The following KDM2A variants were observed in gnomAD, a reference collection of about 807,000 sequenced individuals.
The protein encoded by KDM2A is lysine-specific demethylase 2A.
In KDM2A, 3 loss-of-function variants were observed where a neutral mutation model predicts 137.3. That is an observed-to-expected ratio of 0.02 (90% confidence interval 0.01 to 0.06). KDM2A has a LOEUF of 0.06. KDM2A is among the 10% of genes least tolerant of loss of function. KDM2A has a pLI of 1.00. For synonymous variants in KDM2A, 512 were observed against 541.5 expected (o/e 0.95, Z 0.76); for missense variants, 738 against 1,510.6 (o/e 0.49, Z 8.48).
At chr11:67,248,425 G>A (rs1166070664) in intron 16 of KDM2A, 55 bp downstream of exon 16, 4 of 1,222,068 alleles carry the variant, frequency 3.3e-6, no homozygotes, top group Non-Finnish European at 4.7e-6. Context: ...TCAAATGTGG[G>A]GGATTGCTAC....
intron 2 of KDM2A, among the ~76,000 whole-genome samples, chr11:67,151,205 C>T (rs1856378638): frequency 6.6e-6 from 1 of 151,988 alleles, no homozygotes; most frequent in African/African-American, 2.4e-5. Flanking sequence ...CTGATTTTTT[C>T]AGCTTTGGTT....
intron 2 of KDM2A, among the ~76,000 whole-genome samples, chr11:67,127,543 C>T (rs369786810): frequency 1.1e-4 from 17 of 152,142 alleles, no homozygotes; most frequent in African/African-American, 4.1e-4. Flanking sequence ...TCCTGTTAAC[C>T]TGTCTTACAT....
chr11:67,189,176 A>G (rs1857283495), intron 5 of KDM2A, among the ~76,000 whole-genome samples: 2 of 152,368 alleles, frequency 1.3e-5, no homozygotes, highest in East Asian at 3.9e-4. Flanking sequence ...CAGATTAAAT[A>G]TCAGTGGATT....
chr11:67,182,014 C>T, intron 5 of KDM2A, 122 bp downstream of exon 5: 1 of 799,808 alleles, frequency 1.3e-6, no homozygotes, highest in Non-Finnish European at 2.0e-6. Flanking sequence ...TTAGAAACTA[C>T]ATTTTCATTA....
At chr11:67,217,300 G>A (rs146578499) in intron 8 of KDM2A, among the ~76,000 whole-genome samples, 2 of 143,588 alleles carry the variant, frequency 1.4e-5, no homozygotes, top group African/African-American at 5.2e-5. Flanking sequence ...AAATCCAAAA[G>A]TCATTTTGTT....
At chr11:67,247,061 ATATATATATATTTT>A (rs1859254132) in intron 15 of KDM2A, among the ~76,000 whole-genome samples, 1 of 24,484 alleles carries the variant, frequency 4.1e-5, no homozygotes, top group East Asian at 7.5e-4. Context: ...ATATATATAT[ATATATATATATTTT>A]TTTTTTTTTT....
chr11:67,177,171 C>G (rs1312848555), intron 2 of KDM2A, among the ~76,000 whole-genome samples: 1 of 151,894 alleles, frequency 6.6e-6, no homozygotes, highest in African/African-American at 2.4e-5. Flanking sequence ...GAGGCTGAGG[C>G]GAGAGAATCA....
rs879782965 is a variant in KDM2A, at chr11:67,221,941, T to TA, written c.957+2550dup. On this transcript the variant is annotated intron_variant, in intron 10 of 20. Coordinates refer to ENST00000529006, the MANE Select transcript of KDM2A (RefSeq NM_012308.3). Reference sequence around the variant, plus strand: ...AAGAGTGAGACACAGTCTGTTAATTTAAAAAAAAAAAAGATGTCTATTCTA... The same window carrying TA: ...AAGAGTGAGACACAGTCTGTTAATTTAAAAAAAAAAAAAGATGTCTATTCTA... 1.5e-3 allele frequency among the ~76,000 whole-genome samples: 208 copies of TA among 140,326 alleles called. 1 individual carries two copies. The highest frequency in any genetic ancestry group is 0.011 in the South Asian group (48 of 4,478). 92.1% of individuals were successfully genotyped at this position (140,326 alleles called of 152,430 possible).
intron 4 of KDM2A, 139 bp from the exon 5 acceptor site, chr11:67,181,707 C>A (rs1419630119): frequency 1.5e-6 from 1 of 672,014 alleles, no homozygotes; most frequent in Non-Finnish European, 2.6e-6. Flanking sequence ...TATATAATCA[C>A]CTATATTTTT....
At position 67,257,301 on chromosome 11, in the gene KDM2A, A is replaced by T. The variant is rs1351781537; in HGVS notation, c.*2246A>T. 1 of 152,556 alleles carries T rather than the reference A, an allele frequency of 6.6e-6. No individual in the cohort carries two copies. 9.5% of individuals were successfully genotyped at this position (152,556 alleles called of 1,614,324 possible). ...ACCGTGCACGTAAATTGGTCAGCAGAAAAGGGAGCCCAGAAAAGGCAGCAG... is the reference window on the plus strand; with the variant it reads ...ACCGTGCACGTAAATTGGTCAGCAGTAAAGGGAGCCCAGAAAAGGCAGCAG... On this transcript the variant is annotated 3_prime_UTR_variant, in exon 21 of 21. Coordinates refer to ENST00000529006, the MANE Select transcript of KDM2A (RefSeq NM_012308.3).
In KDM2A at chr11:67,250,847, G is replaced by C; in HGVS notation, c.2768+49G>C. ...GGAATTAGGGGTATGGGAGTAGGTGGCAGGTTTTCCATATGAGAACAGCAT... is the reference window on the plus strand; with the variant it reads ...GGAATTAGGGGTATGGGAGTAGGTGCCAGGTTTTCCATATGAGAACAGCAT... On this transcript the variant is annotated intron_variant, in intron 17 of 20. Coordinates refer to ENST00000529006, the MANE Select transcript of KDM2A (RefSeq NM_012308.3). This position sits in a 1 kb window ranked among gnomAD's most constrained non-coding sequence, Gnocchi z 7.1. The C allele has an allele frequency of 7.1e-7, 1 of 1,411,108 alleles. No individual in the cohort carries two copies. Among genetic ancestry groups the C allele is most frequent in the South Asian group, 1.4e-5 (1 of 72,146 alleles). The allele number at this position is 1,411,108 out of a possible 1,614,324, so 87.4% of individuals were successfully genotyped here.
intron 10 of KDM2A, among the ~76,000 whole-genome samples, chr11:67,226,731 A>G (rs561446410): frequency 6.6e-6 from 1 of 152,250 alleles, no homozygotes; most frequent in African/African-American, 2.4e-5. Flanking sequence ...CAAAAAACAA[A>G]CGAAAATCAA....
At chr11:67,166,711 A>G (rs1856755725) in intron 2 of KDM2A, among the ~76,000 whole-genome samples, 1 of 151,786 alleles carries the variant, frequency 6.6e-6, no homozygotes, top group Non-Finnish European at 1.5e-5. Context: ...TGGCATCAAT[A>G]TGGTGACCTC....
intron 10 of KDM2A, among the ~76,000 whole-genome samples, chr11:67,219,941 T>G (rs1279142546): frequency 6.6e-6 from 1 of 152,134 alleles, no homozygotes; most frequent in African/African-American, 2.4e-5. Flanking sequence ...TTTCTTTCCT[T>G]TTTTTAAAAT....
At chr11:67,163,007 G>T (rs1044014070) in intron 2 of KDM2A, among the ~76,000 whole-genome samples, 9 of 152,200 alleles carry the variant, frequency 5.9e-5, no homozygotes, top group African/African-American at 1.9e-4. Context: ...ACCAAGCGTG[G>T]CCATGATTTC....
chr11:67,160,601 G>A (rs1284731540), intron 2 of KDM2A, among the ~76,000 whole-genome samples: 1 of 151,990 alleles, frequency 6.6e-6, no homozygotes, highest in East Asian at 1.9e-4. Context: ...GTGAAACTCC[G>A]TCTCTACTAA....
chr11:67,136,778 C>G (rs1312169711), intron 2 of KDM2A, among the ~76,000 whole-genome samples: 1 of 152,124 alleles, frequency 6.6e-6, no homozygotes, highest in African/African-American at 2.4e-5. Flanking sequence ...AAGCATTTAA[C>G]CATGTTCAGA....
At chr11:67,229,610 C>T (rs886270407) in intron 11 of KDM2A, among the ~76,000 whole-genome samples, 3 of 152,178 alleles carry the variant, frequency 2.0e-5, no homozygotes, top group African/African-American at 7.2e-5. Context: ...GTGGCTCACA[C>T]CTGTAATCCC....
chr11:67,227,232 G>A (rs983550743), intron 10 of KDM2A, among the ~76,000 whole-genome samples: 2 of 152,172 alleles, frequency 1.3e-5, no homozygotes, highest in Non-Finnish European at 2.9e-5. Context: ...GGCAAGCTGA[G>A]CATCGATAGT....
Sources: gnomAD v4.1 joint callset for allele counts (sites outside exome capture counted in the v4.1 genomes callset) on GRCh38, gnomAD v4.1.1 for gene constraint, Gnocchi (gnomAD v3.1) non-coding constraint, MANE v1.5 for transcripts, NCBI Gene and HGNC (gene_info 2026-07-23, HGNC 2026-07-21) for gene names.